Variants in NLRP8 observed in about 807,000 individuals in gnomAD.
The protein encoded by NLRP8 is NACHT, LRR and PYD domains-containing protein 8.
A neutral mutation model predicts 88.7 loss-of-function variants in NLRP8; 86 were observed. That is an observed-to-expected ratio of 0.97 (90% confidence interval 0.81 to 1.16). The LOEUF is 1.16. Ranked by LOEUF, NLRP8 falls within the 50% of genes most tolerant of loss-of-function variation. The probability of loss-of-function intolerance (pLI) is 0.00; values close to 1 mark genes in which losing one functional copy is unlikely to be tolerated. For missense variants in NLRP8, 1,342 were observed against 1,286.5 expected (o/e 1.04, Z -0.66); for synonymous variants, 504 against 494.6 (o/e 1.02, Z -0.25).
chr19:55,950,861 T>C (rs1002047679), intron 1 of NLRP8, among the ~76,000 whole-genome samples: 5 of 152,106 alleles, frequency 3.3e-5, no homozygotes, highest in African/African-American at 1.2e-4. Flanking sequence ...GGGAGGATCA[T>C]GAGGTCAGGA....
intron 7 of NLRP8, among the ~76,000 whole-genome samples, chr19:55,974,999 G>T (rs1278806068): frequency 1.3e-5 from 2 of 152,108 alleles, no homozygotes; most frequent in East Asian, 3.9e-4. Flanking sequence ...GCTCTGTCAC[G>T]AGGTAGTTCA....
At chr19:55,948,771 T>G (rs1311076165) in intron 1 of NLRP8, among the ~76,000 whole-genome samples, 1 of 152,096 alleles carries the variant, frequency 6.6e-6, no homozygotes, top group African/African-American at 2.4e-5. Flanking sequence ...CTTAACTGAA[T>G]ACTGCTTATA....
At chr19:55,966,961 A>G (rs1979872162) in intron 5 of NLRP8, among the ~76,000 whole-genome samples, 1 of 152,228 alleles carries the variant, frequency 6.6e-6, no homozygotes, top group South Asian at 2.1e-4. Flanking sequence ...TAGTAGGCAT[A>G]TATATTTATG....
chr19:55,976,092 A>AGTTGTT lies in NLRP8; in HGVS notation c.2706-28_2706-23dup, dbSNP rs201466831. The AGTTGTT allele has an allele frequency of 1.2e-5, 18 of 1,457,294 alleles. 1 individual carries two copies. The Admixed American group carries it at 2.2e-4, about 18-fold the overall frequency. The allele number at this position is 1,457,294 out of a possible 1,614,324, so 90.3% of individuals were successfully genotyped here. A position where few individuals can be genotyped will look rare whatever the true frequency, so the allele number is the denominator to read the frequency against. On this transcript the variant is annotated intron_variant, in intron 7 of 9. Coordinates refer to ENST00000291971, the MANE Select transcript of NLRP8 (RefSeq NM_176811.2). ...GTTGTTGTTGTTGTTGTTTTGTTGT[A>AGTTGTT]GTTGTTGTTGTTGTTGTTTTTAACC...
In NLRP8 at chr19:55,954,733, T is replaced by C; in HGVS notation, c.675T>C (p.Phe225=). 1 of 1,614,214 alleles carries C rather than the reference T, an allele frequency of 6.2e-7. No homozygotes were observed. Among genetic ancestry groups the C allele is most frequent in the Non-Finnish European group, 8.5e-7 (1 of 1,180,038 alleles). The change falls in exon 3 of 10, where the codon TTT becomes TTC. Residue 225 remains phenylalanine (F), a synonymous_variant. Transcript: ENST00000291971. ...CAATCCTGGCCAAAAAGGTGATGTT[T>C]GAGTGGGCCAGAAACAAGTTCTACG...
chr19:55,956,388 C>T (rs931296860), intron 3 of NLRP8, among the ~76,000 whole-genome samples: 10 of 152,096 alleles, frequency 6.6e-5, no homozygotes, highest in African/African-American at 1.7e-4. Context: ...GGATTACAAA[C>T]GCATGCCACT....
intron 5 of NLRP8, among the ~76,000 whole-genome samples, chr19:55,968,894 C>T (rs1352694805): frequency 6.6e-6 from 1 of 152,146 alleles, no homozygotes; most frequent in Non-Finnish European, 1.5e-5. Context: ...TCTACCATAC[C>T]CATTTGGTGG....
At chr19:55,978,238 G>A (rs1600315995) in intron 8 of NLRP8, among the ~76,000 whole-genome samples, 2 of 151,930 alleles carry the variant, frequency 1.3e-5, no homozygotes, top group Non-Finnish European at 2.9e-5. Context: ...TTAGAGGGGG[G>A]AGGGATAGCA....
intron 5 of NLRP8, among the ~76,000 whole-genome samples, chr19:55,966,820 CAATAAA>C (rs1396121056): frequency 5.9e-5 from 9 of 151,990 alleles, no homozygotes; most frequent in Admixed American, 5.9e-4. Flanking sequence ...TGTCTAAAAA[CAATAAA>C]AATAAAAAGT....
At position 55,970,530 on chromosome 19, in the gene NLRP8, TC is replaced by T; in HGVS notation, c.2382-13del. ...CCAGAACCATGGCTCAGCATTTGTA[TC>T]TGGCTTCTACAGGTTGGAAGACTGC... On this transcript the variant is annotated splice_polypyrimidine_tract_variant and intron_variant, in intron 5 of 9. Coordinates refer to ENST00000291971, the MANE Select transcript of NLRP8 (RefSeq NM_176811.2). 1.2e-6 allele frequency: 2 copies of T among 1,613,572 alleles called. No homozygotes were observed. The highest frequency in any genetic ancestry group is 1.7e-6 in the Non-Finnish European group (2 of 1,179,736).
chr19:55,969,051 A>G (rs576251324), intron 5 of NLRP8, among the ~76,000 whole-genome samples: 3 of 152,338 alleles, frequency 2.0e-5, no homozygotes, highest in Non-Finnish European at 2.9e-5. Flanking sequence ...CTCTTCCAGA[A>G]TGGCAGTGGT....
chr19:55,949,275 T>C (rs531079764), intron 1 of NLRP8, among the ~76,000 whole-genome samples: 23 of 152,280 alleles, frequency 1.5e-4, no homozygotes, highest in African/African-American at 5.5e-4. Flanking sequence ...CTTCATTCTG[T>C]CACACAGGCT....
chr19:55,972,811 G>GTA (rs973309241), intron 6 of NLRP8, among the ~76,000 whole-genome samples: 2 of 38,498 alleles, frequency 5.2e-5, no homozygotes, highest in Admixed American at 2.6e-4. Context: ...GTGTGTGTAT[G>GTA]TGTGTGTGTG....
chr19:55,955,314 C>T lies in NLRP8; in HGVS notation c.1256C>T (p.Ser419Leu), dbSNP rs1223089591. The T allele has an allele frequency of 2.5e-6, 4 of 1,614,186 alleles. No individual in the cohort carries two copies. In the East Asian group the frequency reaches 6.7e-5, roughly 27 times the overall value. The change falls in exon 3 of 10, where the codon TCA (serine) becomes TTA (leucine). Residue 419 changes from serine to leucine, a missense_variant. By Grantham distance (145) the Ser-to-Leu change is moderately radical (BLOSUM62 -2). Coordinates refer to ENST00000291971, the MANE Select transcript of NLRP8 (RefSeq NM_176811.2). ...GAGAGAGGAAACAATCTCACACAGTCATGTCCAAATGCCACCTCTGTGTTC... is the reference window on the plus strand; with the variant it reads ...GAGAGAGGAAACAATCTCACACAGTTATGTCCAAATGCCACCTCTGTGTTC...
chr19:55,981,854 A>G (rs1980585795), intron 9 of NLRP8, among the ~76,000 whole-genome samples: 2 of 152,092 alleles, frequency 1.3e-5, no homozygotes, highest in South Asian at 4.2e-4. Flanking sequence ...TGAAACAGCC[A>G]TCTTTTTACA....
chr19:55,962,676 A>T (rs1480793373), intron 4 of NLRP8, among the ~76,000 whole-genome samples: 1 of 152,086 alleles, frequency 6.6e-6, no homozygotes, highest in Non-Finnish European at 1.5e-5. Context: ...GCTACTTGGG[A>T]GGCTGAGGTG....
Position 55,954,908 on chromosome 19 carries a change from C to T in NLRP8, c.850C>T (p.Leu284Phe), listed in dbSNP as rs199475836. ...GTCCAAACCCGACCAACTTCTGCTG[C>T]TCTTGGATGGCTTTGAGGAGCTCAC... Residue 284 changes from leucine to phenylalanine, a missense_variant, in exon 3 of 10, where the codon CTC becomes TTC. Physicochemically the swap from Leu to Phe is conservative, Grantham distance 22 (BLOSUM62 0). Transcript: ENST00000291971. 6.8e-6 allele frequency: 11 copies of T among 1,614,078 alleles called. No homozygotes were observed. Among genetic ancestry groups the T allele is most frequent in the East Asian group, 4.5e-5 (2 of 44,894 alleles).
intron 9 of NLRP8, among the ~76,000 whole-genome samples, chr19:55,984,786 G>A (rs773086137): frequency 2.0e-4 from 30 of 150,832 alleles, no homozygotes; most frequent in South Asian, 6.3e-4. Context: ...GCAGTAAGCC[G>A]TGCTTGCACC....
At chr19:55,966,511 G>A (rs1268899927) in intron 5 of NLRP8, 131 bp downstream of exon 5, 2 of 909,004 alleles carry the variant, frequency 2.2e-6, no homozygotes, top group South Asian at 2.0e-5. Context: ...AACTTTAAAA[G>A]TACAATTTGG....
Sources: gnomAD v4.1 joint callset for allele counts (sites outside exome capture counted in the v4.1 genomes callset) on GRCh38, gnomAD v4.1.1 for gene constraint, MANE v1.5 for transcripts, NCBI Gene and HGNC (gene_info 2026-07-23, HGNC 2026-07-21) for gene names.